Variants in TRHDE observed in about 807,000 individuals in gnomAD.
The protein encoded by TRHDE is thyrotropin-releasing hormone-degrading ectoenzyme.
In TRHDE, 72 loss-of-function variants were observed where a neutral mutation model predicts 125.7. The ratio of observed to expected loss-of-function variants is 0.57; its 90% CI spans 0.47 to 0.70. The LOEUF (loss-of-function observed/expected upper bound fraction) is 0.70. Among genes scored for constraint, TRHDE ranks in the 30% least tolerant of loss-of-function variants. The pLI is 0.00. For missense variants in TRHDE, 1,110 were observed against 1,327.1 expected, an observed-to-expected ratio of 0.84 and a Z score of 2.54; for synonymous variants, 509 against 509.1, an observed-to-expected ratio of 1.00 and a Z score of 0.00.
chr12:72,111,232 C>A (rs1358920665), intron 2 of TRHDE, among the ~76,000 whole-genome samples: 1 of 152,098 alleles, frequency 6.6e-6, no homozygotes, highest in Non-Finnish European at 1.5e-5. Context: ...AACACTGGTT[C>A]TATTGATAAT....
chr12:72,620,338 CAAAAAAA>C (rs3080963), intron 13 of TRHDE, among the ~76,000 whole-genome samples: 12 of 67,490 alleles, frequency 1.8e-4, no homozygotes, highest in East Asian at 4.4e-4. Flanking sequence ...CCCATCTCTA[CAAAAAAA>C]AAAAAAAAAA....
At chr12:72,509,478 C>T (rs1004677753) in intron 6 of TRHDE, among the ~76,000 whole-genome samples, 9 of 152,094 alleles carry the variant, frequency 5.9e-5, no homozygotes, top group Non-Finnish European at 1.0e-4. Context: ...CTGAGCTCTA[C>T]CAAACTCCTT....
intron 2 of TRHDE, among the ~76,000 whole-genome samples, chr12:72,316,934 G>C (rs566207317): frequency 6.6e-6 from 1 of 152,238 alleles, no homozygotes; most frequent in Admixed American, 6.5e-5. Flanking sequence ...GTAGAATAGA[G>C]TAATTTTTAA....
chr12:72,585,958 T>A (rs923749079), intron 12 of TRHDE, among the ~76,000 whole-genome samples: 2 of 152,182 alleles, frequency 1.3e-5, no homozygotes, highest in African/African-American at 2.4e-5. Flanking sequence ...CTTATTGCTT[T>A]AAGTTGTCTC....
At chr12:72,413,339 C>G (rs1188155219) in intron 3 of TRHDE, among the ~76,000 whole-genome samples, 1 of 151,756 alleles carries the variant, frequency 6.6e-6, no homozygotes, top group African/African-American at 2.4e-5. Flanking sequence ...ATATGGTAGC[C>G]ACTAGCCACA....
At chr12:72,417,515 C>G (rs1479734346) in intron 3 of TRHDE, among the ~76,000 whole-genome samples, 1 of 151,964 alleles carries the variant, frequency 6.6e-6, no homozygotes, top group African/African-American at 2.4e-5. Flanking sequence ...TTGATTCTAT[C>G]TGTACCAAGT....
intron 2 of TRHDE, among the ~76,000 whole-genome samples, chr12:72,203,913 A>T (rs1877613618): frequency 6.6e-6 from 1 of 151,998 alleles, no homozygotes; most frequent in Non-Finnish European, 1.5e-5. Flanking sequence ...TCTCCCTTTG[A>T]CCCATCCCCG....
At chr12:72,247,180 T>A (rs1878590432) in intron 2 of TRHDE, among the ~76,000 whole-genome samples, 1 of 152,160 alleles carries the variant, frequency 6.6e-6, no homozygotes, top group African/African-American at 2.4e-5. Context: ...TTACTTACAA[T>A]ACCTAATACA....
At chr12:72,118,833 A>G (rs1448122248) in intron 2 of TRHDE, among the ~76,000 whole-genome samples, 4 of 152,090 alleles carry the variant, frequency 2.6e-5, no homozygotes, top group Non-Finnish European at 1.5e-5. Flanking sequence ...TTACTGGCAT[A>G]TAGTTGCTCA....
At chr12:72,634,573 C>T (rs944411890) in intron 15 of TRHDE, among the ~76,000 whole-genome samples, 2 of 151,876 alleles carry the variant, frequency 1.3e-5, no homozygotes, top group Non-Finnish European at 2.9e-5. Flanking sequence ...CATATGTATA[C>T]ATGTGCCATG....
intron 5 of TRHDE, among the ~76,000 whole-genome samples, chr12:72,491,125 A>T (rs1333773555): frequency 2.0e-5 from 3 of 151,898 alleles, no homozygotes; most frequent in Non-Finnish European, 4.4e-5. Flanking sequence ...AATATTTATT[A>T]AAAAGAATAC....
intron 2 of TRHDE, among the ~76,000 whole-genome samples, chr12:72,369,610 A>T (rs556652986): frequency 6.8e-4 from 103 of 152,280 alleles, no homozygotes; most frequent in South Asian, 3.3e-3. Context: ...ATAATGATAA[A>T]CTATAGCCCC....
intron 2 of TRHDE, among the ~76,000 whole-genome samples, chr12:72,340,354 A>C (rs1017755760): frequency 2.6e-5 from 4 of 152,206 alleles, no homozygotes; most frequent in African/African-American, 9.6e-5. Flanking sequence ...GGCTGTGTGC[A>C]GTAAGCATCT....
intron 10 of TRHDE, among the ~76,000 whole-genome samples, chr12:72,572,636 A>G (rs941882643): frequency 3.3e-5 from 5 of 152,152 alleles, no homozygotes; most frequent in Non-Finnish European, 5.9e-5. Context: ...AAAAATATTC[A>G]TGAACAGTAA....
intron 2 of TRHDE, among the ~76,000 whole-genome samples, chr12:72,116,905 CT>C (rs1875458054): frequency 2.0e-5 from 3 of 151,974 alleles, no homozygotes; most frequent in Admixed American, 2.0e-4. Context: ...TGAGAAATGT[CT>C]GTTTGGATAT....
chr12:72,561,763 T>A (rs1870188177), intron 7 of TRHDE, among the ~76,000 whole-genome samples: 1 of 152,178 alleles, frequency 6.6e-6, no homozygotes, highest in Admixed American at 6.5e-5. Flanking sequence ...CAGCATATAT[T>A]AGCTCTTTCT....
intron 2 of TRHDE, among the ~76,000 whole-genome samples, chr12:72,235,927 T>C (rs1005057889): frequency 4.6e-5 from 7 of 152,194 alleles, no homozygotes; most frequent in African/African-American, 1.4e-4. Flanking sequence ...ATGGGAAGTT[T>C]TGAAGTGCCA....
rs1302249702 is a variant in TRHDE, at chr12:72,591,636, T to G, written c.2321+16094T>G. On this transcript the variant is annotated intron_variant, in intron 12 of 18. Transcript: ENST00000261180. ...CATCAATTTCTAAGGATATGGGTTT[T>G]TTTTTTTTTTTGCTATTATTTCCTG... 7.3e-5 allele frequency among the ~76,000 whole-genome samples: 11 copies of G among 150,358 alleles called. No individual in the cohort carries two copies. In the South Asian group the frequency reaches 2.3e-3, roughly 31 times the overall value.
At chr12:72,592,003 T>C (rs952049941) in intron 12 of TRHDE, among the ~76,000 whole-genome samples, 1 of 152,116 alleles carries the variant, frequency 6.6e-6, no homozygotes, top group African/African-American at 2.4e-5. Context: ...TTGTTTAGCA[T>C]TTTGTATTTG....
Sources: allele counts gnomAD v4.1 joint callset (sites outside exome capture counted in the v4.1 genomes callset), GRCh38; gene constraint gnomAD v4.1.1; transcripts MANE v1.5; gene names NCBI Gene and HGNC (gene_info 2026-07-23, HGNC 2026-07-21).